TENM3: variants seen among roughly 807,000 people sequenced by gnomAD.
TENM3 encodes teneurin transmembrane protein 3.
Under a neutral mutation model 255.1 loss-of-function variants are expected in TENM3, and 63 were observed. That is an observed-to-expected ratio of 0.25 (90% CI 0.20 to 0.30). The LOEUF is 0.30. Among genes scored for constraint, TENM3 ranks in the 10% least tolerant of loss-of-function variants. TENM3 has a pLI of 1.00. For missense variants in TENM3, 2,929 were observed against 3,461.1 expected (o/e 0.85, Z 3.86); for synonymous variants, 1,306 against 1,322.3 (o/e 0.99, Z 0.27).
At chr4:182,350,196 G>T (rs4861505) in intron 3 of TENM3, 120,989 of 152,828 alleles carry the variant, frequency 0.79, 48,151 homozygotes, top group Middle Eastern at 0.84. Context: ...TAGAACTGCT[G>T]TGAGGCTAAT....
At chr4:182,171,916 AT>A (rs35065408) in intron 1 of TENM3, among the ~76,000 whole-genome samples, 7,306 of 149,892 alleles carry the variant, frequency 0.049, 249 homozygotes, top group Non-Finnish European at 0.07. Flanking sequence ...TGTATCTTTG[AT>A]TTTTTTTTTC....
chr4:182,270,368 G>A (rs1759536864), intron 1 of TENM3, among the ~76,000 whole-genome samples: 1 of 152,160 alleles, frequency 6.6e-6, no homozygotes. Flanking sequence ...TTCAAGGTCT[G>A]CTATCTGTCA....
At chr4:182,373,122 C>T (rs936431621) in intron 3 of TENM3, among the ~76,000 whole-genome samples, 8 of 152,242 alleles carry the variant, frequency 5.3e-5, no homozygotes, top group Non-Finnish European at 7.4e-5. Context: ...TTTGACCTCC[C>T]GATAAAGAAG....
intron 3 of TENM3, among the ~76,000 whole-genome samples, chr4:182,359,006 T>G (rs1427137796): frequency 6.6e-6 from 1 of 151,744 alleles, no homozygotes; most frequent in Non-Finnish European, 1.5e-5. Flanking sequence ...GTTCTGTTTA[T>G]ATGCTGGATT....
intron 1 of TENM3, among the ~76,000 whole-genome samples, chr4:182,272,053 T>C (rs6825349): frequency 0.21 from 31,255 of 152,156 alleles, 3,667 homozygotes; most frequent in African/African-American, 0.31. Flanking sequence ...AAATATAGGG[T>C]GAATTATTGT....
chr4:182,510,666 T>G (rs1428925460), intron 3 of TENM3, among the ~76,000 whole-genome samples: 2 of 152,224 alleles, frequency 1.3e-5, no homozygotes, highest in Non-Finnish European at 2.9e-5. Flanking sequence ...TCGGCCAGTC[T>G]TTAGTTACTG....
At chr4:182,669,752 G>C (rs1285268975) in intron 6 of TENM3, among the ~76,000 whole-genome samples, 2 of 152,106 alleles carry the variant, frequency 1.3e-5, no homozygotes, top group Non-Finnish European at 2.9e-5. Context: ...TTAATAAAAA[G>C]CAAAGATTTT....
chr4:181,788,115 A>C, the TENM3 span, among the ~76,000 whole-genome samples: 1 of 152,180 alleles, frequency 6.6e-6, no homozygotes, highest in East Asian at 1.9e-4. Flanking sequence ...AAACCTCTGT[A>C]AAATATTTTA....
chr4:182,760,707 G>A (rs1248180565), intron 22 of TENM3, among the ~76,000 whole-genome samples: 1 of 152,096 alleles, frequency 6.6e-6, no homozygotes, highest in Non-Finnish European at 1.5e-5. Flanking sequence ...TCTCATTTGG[G>A]TGGTTTATTG....
the TENM3 span, among the ~76,000 whole-genome samples, chr4:181,623,574 C>A: frequency 6.6e-6 from 1 of 152,204 alleles, no homozygotes; most frequent in Admixed American, 6.5e-5. Flanking sequence ...AACTCGGCCT[C>A]TTTATTGAGA....
the TENM3 span, among the ~76,000 whole-genome samples, chr4:182,059,568 T>C: frequency 6.6e-6 from 1 of 151,722 alleles, no homozygotes; most frequent in Non-Finnish European, 1.5e-5. Context: ...CACCCATCCA[T>C]CTTGAAGACA....
the TENM3 span, among the ~76,000 whole-genome samples, chr4:181,558,994 T>C: frequency 6.6e-6 from 1 of 152,230 alleles, no homozygotes; most frequent in African/African-American, 2.4e-5. Context: ...GAGCTTTTGG[T>C]AGATAGCACA....
intron 3 of TENM3, among the ~76,000 whole-genome samples, chr4:182,432,363 C>T (rs13114661): frequency 0.6 from 90,707 of 152,028 alleles, 27,498 homozygotes; most frequent in East Asian, 0.77. Context: ...CTCTGACATG[C>T]AGAAGTCTTT....
the TENM3 span, among the ~76,000 whole-genome samples, chr4:181,920,260 G>T: frequency 2.6e-5 from 4 of 151,952 alleles, no homozygotes; most frequent in South Asian, 4.2e-4. Flanking sequence ...GTAATGGGTT[G>T]GCTGGGTCAA....
the TENM3 span, among the ~76,000 whole-genome samples, chr4:181,543,458 T>C: frequency 6.6e-6 from 1 of 152,230 alleles, no homozygotes; most frequent in African/African-American, 2.4e-5. Flanking sequence ...TTCAAGGTAC[T>C]ATGAAAGGCA....
chr4:181,865,660 C>T, the TENM3 span, among the ~76,000 whole-genome samples: 7 of 152,166 alleles, frequency 4.6e-5, no homozygotes. Flanking sequence ...AGCTTTTTAG[C>T]ACTGACAGAA....
chr4:181,865,129 A>G, the TENM3 span, among the ~76,000 whole-genome samples: 2 of 152,228 alleles, frequency 1.3e-5, no homozygotes, highest in Non-Finnish European at 2.9e-5. Context: ...ACAGATAGAA[A>G]AAGTGTTTAA....
At chr4:182,680,407 G>C in intron 9 of TENM3, 58 bp downstream of exon 9, 1 of 1,208,644 alleles carries the variant, frequency 8.3e-7, no homozygotes, top group South Asian at 1.2e-5. Context: ...AAACACAAGT[G>C]ATTCCAAAAA....
the TENM3 span, among the ~76,000 whole-genome samples, chr4:181,728,761 G>A: frequency 7.2e-5 from 11 of 152,206 alleles, no homozygotes; most frequent in African/African-American, 2.4e-4. Context: ...GACTAAGAAT[G>A]CCTAACCTCC....
Sources: gnomAD v4.1 joint callset for allele counts (sites outside exome capture counted in the v4.1 genomes callset) on GRCh38, gnomAD v4.1.1 for gene constraint, MANE v1.5 for transcripts, NCBI Gene and HGNC (gene_info 2026-07-23, HGNC 2026-07-21) for gene names.